Variants in SEC16B observed in about 807,000 individuals in gnomAD.
The protein encoded by SEC16B is protein transport protein Sec16B.
In SEC16B, 115 loss-of-function variants were observed where a neutral mutation model predicts 141.8. That is an observed-to-expected ratio of 0.81 (90% CI 0.70 to 0.95). SEC16B has a LOEUF of 0.95. Among genes scored for constraint, SEC16B ranks in the 40% least tolerant of loss-of-function variants. The pLI is 0.00. For missense variants in SEC16B, 1,291 were observed against 1,312.3 expected, an observed-to-expected ratio of 0.98 and a Z score of 0.25; for synonymous variants, 493 against 492.5, an observed-to-expected ratio of 1.00 and a Z score of -0.01.
chr1:177,944,681 T>C lies in SEC16B; in HGVS notation c.1776-15A>G. ...AAAACTCTTGACTAAAACCAGAGAA[T>C]AACAATAAAAGAGATTGAGGTGTGG... On this transcript the variant is annotated splice_polypyrimidine_tract_variant and intron_variant, in intron 14 of 25. Transcript: ENST00000308284. The C allele has an allele frequency of 1.2e-6, 2 of 1,604,952 alleles. No homozygotes were observed. Among genetic ancestry groups the C allele is most frequent in the Middle Eastern group, 3.3e-4 (2 of 6,038 alleles).
At chr1:177,937,589 C>T in intron 18 of SEC16B, 76 bp from the exon 19 acceptor site, 1 of 1,256,468 alleles carries the variant, frequency 8.0e-7, no homozygotes, top group Non-Finnish European at 1.1e-6. Context: ...CAGAAACATT[C>T]CTGCTTATGT....
intron 1 of SEC16B, among the ~76,000 whole-genome samples, chr1:177,977,690 G>T (rs1447264039): frequency 1.3e-5 from 2 of 152,086 alleles, no homozygotes; most frequent in Non-Finnish European, 2.9e-5. Context: ...TCCTCTCTGG[G>T]TACAGAGCTG....
intron 18 of SEC16B, among the ~76,000 whole-genome samples, chr1:177,939,281 T>C (rs542282167): frequency 6.6e-6 from 1 of 152,260 alleles, no homozygotes; most frequent in South Asian, 2.1e-4. Context: ...ACATACTTAT[T>C]CCACAATCAT....
chr1:177,967,611 G>T, intron 2 of SEC16B, 72 bp downstream of exon 2: 1 of 1,396,610 alleles, frequency 7.2e-7, no homozygotes. Flanking sequence ...AAAGGAAAAG[G>T]AAGAAGGAAA....
chr1:177,973,677 A>G (rs1654053089), upstream of SEC16B, among the ~76,000 whole-genome samples: 1 of 152,174 alleles, frequency 6.6e-6, no homozygotes, highest in African/African-American at 2.4e-5. Context: ...AACACCTACT[A>G]TATGCCCATC....
chr1:177,932,862 T>G, intron 22 of SEC16B, 56 bp from the exon 23 acceptor site: 1 of 1,487,006 alleles, frequency 6.7e-7, no homozygotes. Context: ...AACAAATTGA[T>G]GCCCGCCAAT....
intron 1 of SEC16B, among the ~76,000 whole-genome samples, chr1:177,980,991 A>G (rs1373607632): frequency 1.3e-5 from 2 of 152,028 alleles, no homozygotes; most frequent in African/African-American, 4.8e-5. Context: ...TGCAAAGAAA[A>G]GTTGAGAGCT....
At chr1:177,944,937 G>A (rs887567074) in intron 14 of SEC16B, among the ~76,000 whole-genome samples, 1 of 152,182 alleles carries the variant, frequency 6.6e-6, no homozygotes, top group Non-Finnish European at 1.5e-5. Flanking sequence ...GAAAAGGGGG[G>A]TCACCTGCCT....
At chr1:177,951,460 T>C (rs1403337368) in intron 12 of SEC16B, among the ~76,000 whole-genome samples, 1 of 152,196 alleles carries the variant, frequency 6.6e-6, no homozygotes, top group African/African-American at 2.4e-5. Flanking sequence ...TGTCCAGCTT[T>C]GAAGTGCCAG....
rs34633883 is a variant in SEC16B at position 177,940,631 on chromosome 1, C to T, written c.2106G>A (p.Ala702=). The change falls in exon 17 of 26, where the codon GCG becomes GCA. Residue 702 remains alanine, a synonymous_variant. Transcript: ENST00000308284. The part of the protein sequence containing the change: ...GDRDLEPDWL[A]QLRRQLEQKV... ...TCACCTCCAGCTGCCTCCGAAGTTGCGCTAGCCAATCTGGCTCCAGGTCCC... is the reference window on the plus strand; with the variant it reads ...TCACCTCCAGCTGCCTCCGAAGTTGTGCTAGCCAATCTGGCTCCAGGTCCC... 6 of 1,613,598 alleles carry T rather than the reference C, an allele frequency of 3.7e-6. No homozygotes were observed. Among genetic ancestry groups the T allele is most frequent in the Middle Eastern group, 1.7e-4 (1 of 6,038 alleles).
chr1:177,980,139 C>A (rs1157896430), intron 1 of SEC16B, among the ~76,000 whole-genome samples: 6 of 152,120 alleles, frequency 3.9e-5, no homozygotes, highest in Non-Finnish European at 5.9e-5. Context: ...GACGTATTCC[C>A]TTTTACACTT....
At chr1:177,966,630 A>G (rs1221650439) in intron 2 of SEC16B, among the ~76,000 whole-genome samples, 1 of 152,058 alleles carries the variant, frequency 6.6e-6, no homozygotes. Flanking sequence ...CAGTGGCGTG[A>G]TCTTGGCTCA....
chr1:177,930,487 TCTC>T, intron 25 of SEC16B, 55 bp downstream of exon 25: 2 of 1,149,782 alleles, frequency 1.7e-6, no homozygotes, highest in South Asian at 2.6e-5. Flanking sequence ...TAAACCTAGG[TCTC>T]CTTAATCCAA....
At chr1:177,955,358 T>C (rs777261413) in intron 10 of SEC16B, among the ~76,000 whole-genome samples, 1 of 151,942 alleles carries the variant, frequency 6.6e-6, no homozygotes, top group Non-Finnish European at 1.5e-5. Flanking sequence ...AGCTGATAAT[T>C]TTTTCTTTTG....
chr1:177,980,174 A>G (rs12048638), intron 1 of SEC16B, among the ~76,000 whole-genome samples: 20,976 of 152,136 alleles, frequency 0.14, 1,797 homozygotes, highest in East Asian at 0.42. Flanking sequence ...TGTATGCCTC[A>G]TAACATTATG....
Position 177,960,369 on chromosome 1 carries a change from A to T in SEC16B, c.971T>A (p.Met324Lys). Residue 324 changes from methionine to lysine, a missense_variant, in exon 8 of 26, where the codon ATG (methionine) becomes AAG (lysine). By Grantham distance (95) the Met-to-Lys change is moderately conservative. Around this residue, in one of 3 missense-constraint regions of SEC16B, gnomAD observed 681 missense variants for 675.5 expected, o/e 1.01. Coordinates refer to ENST00000308284, the MANE Select transcript of SEC16B (RefSeq NM_033127.4). ...AATCAAGGGTCCTGAGAAACTTCTC[A>T]TCTCCTCTTGCTCTTCGGAATCATT... ...ILNDSEEQEE[M>K]RSFSGPLIRE... is the part of the protein sequence containing the mutation. The T allele has an allele frequency of 3.7e-6, 6 of 1,606,156 alleles. No individual in the cohort carries two copies. The highest frequency in any genetic ancestry group is 4.3e-6 in the Non-Finnish European group (5 of 1,174,800).
At chr1:177,939,903 C>T in intron 17 of SEC16B, 126 bp from the exon 18 acceptor site, 2 of 772,022 alleles carry the variant, frequency 2.6e-6, no homozygotes, top group East Asian at 2.7e-5. Context: ...AAGGGAAATG[C>T]TTGTATGCTT....
intron 11 of SEC16B, among the ~76,000 whole-genome samples, chr1:177,953,286 A>G (rs1290154808): frequency 1.3e-5 from 2 of 152,174 alleles, no homozygotes; most frequent in Non-Finnish European, 2.9e-5. Flanking sequence ...CATTACAGGC[A>G]TGAGCCACCA....
In SEC16B at chr1:177,937,486, CCA is replaced by C. The variant is rs1557969180; in HGVS notation, c.2229_2230del (p.Gly744MetfsTer6). 6.4e-7 allele frequency: 1 copy of C among 1,565,114 alleles called. No homozygotes were observed. The highest frequency in any genetic ancestry group is 1.4e-5 in the African/African-American group (1 of 73,036). ...AGGGGCTTCAGAGTAGCCTTGACAT[CCA>C]GAAAAGTCCTGGTAGAAAGTGTTTT... On this transcript the variant is annotated frameshift_variant, in exon 19 of 26. Transcript: ENST00000308284. LOFTEE classifies it high-confidence loss of function.
Sources: gnomAD v4.1 joint callset for allele counts (sites outside exome capture counted in the v4.1 genomes callset) on GRCh38, gnomAD v4.1.1 for gene constraint, gnomAD v4.1.1 regional missense constraint, MANE v1.5 for transcripts, NCBI Gene and HGNC (gene_info 2026-07-23, HGNC 2026-07-21) for gene names.